FAAH2: variants seen among roughly 807,000 people sequenced by gnomAD.
FAAH2 encodes the protein fatty acid amide hydrolase 2, also known as fatty-acid amide hydrolase 2.
A neutral mutation model predicts 36.9 loss-of-function variants in FAAH2; 60 were observed. The observed-to-expected ratio is 1.63, with a 90% CI of 1.32 to 2.02. The LOEUF (loss-of-function observed/expected upper bound fraction) is 2.02. Among genes scored for constraint, FAAH2 ranks in the 30% most tolerant of loss-of-function variants. FAAH2 has a pLI of 0.00. For synonymous variants in FAAH2, 214 were observed against 143.8 expected, an observed-to-expected ratio of 1.49 and a Z score of -3.49; for missense variants, 689 against 397.5, an observed-to-expected ratio of 1.73 and a Z score of -6.23.
chrX:57,149,735 G>A, the FAAH2 span, among the ~76,000 whole-genome samples: 1 of 110,857 alleles, frequency 9.0e-6, no homozygotes, highest in Non-Finnish European at 1.9e-5. Flanking sequence ...TTTTTTGAAG[G>A]GATTTTTTTT....
chrX:57,276,748 C>T, the FAAH2 span, among the ~76,000 whole-genome samples: 4 of 111,268 alleles, frequency 3.6e-5, no homozygotes, highest in Non-Finnish European at 7.5e-5. Context: ...GGGATATCAC[C>T]ACCAATCCCA....
At chrX:57,235,213 G>C in the FAAH2 span, among the ~76,000 whole-genome samples, 1 of 111,330 alleles carries the variant, frequency 9.0e-6, no homozygotes, top group Non-Finnish European at 1.9e-5. Context: ...GCATCTGGTG[G>C]TCAGTGAGCT....
chrX:57,468,359 G>T (rs764658931), intron 10 of FAAH2, among the ~76,000 whole-genome samples: 1 of 111,535 alleles, frequency 9.0e-6, no homozygotes, highest in Non-Finnish European at 1.9e-5. Context: ...AAAAAGATTA[G>T]ATGAATGGCT....
chrX:57,166,728 GC>G, the FAAH2 span, among the ~76,000 whole-genome samples: 14 of 111,847 alleles, frequency 1.3e-4, no homozygotes, highest in East Asian at 3.9e-3. Context: ...GGGAGAGGTC[GC>G]CCCAACCATC....
At chrX:57,291,973 G>A (rs1399657766) in intron 1 of FAAH2, among the ~76,000 whole-genome samples, 2 of 110,358 alleles carry the variant, frequency 1.8e-5, no homozygotes, top group East Asian at 2.8e-4. Flanking sequence ...TGCAATTATT[G>A]GGACATACTT....
the FAAH2 span, among the ~76,000 whole-genome samples, chrX:57,175,873 T>C: frequency 1.8e-5 from 2 of 112,189 alleles, no homozygotes; most frequent in Non-Finnish European, 3.8e-5. Context: ...ACACTTATTC[T>C]GTTTAAGAAG....
chrX:57,354,217 A>G, intron 5 of FAAH2, among the ~76,000 whole-genome samples: 2 of 111,368 alleles, frequency 1.8e-5, no homozygotes, highest in East Asian at 5.6e-4. Context: ...TTGGATAAAT[A>G]AATTGTGGTA....
At chrX:57,163,365 T>C in the FAAH2 span, among the ~76,000 whole-genome samples, 1 of 112,128 alleles carries the variant, frequency 8.9e-6, no homozygotes, top group Non-Finnish European at 1.9e-5. Context: ...CAGGCAGGCC[T>C]CCTTGAGCTG....
At chrX:57,195,560 G>T in the FAAH2 span, among the ~76,000 whole-genome samples, 1 of 111,776 alleles carries the variant, frequency 8.9e-6, no homozygotes, top group Non-Finnish European at 1.9e-5. Context: ...TGGGTTGTCT[G>T]TTTACTCTGC....
chrX:57,233,446 G>A, the FAAH2 span, among the ~76,000 whole-genome samples: 5 of 111,004 alleles, frequency 4.5e-5, no homozygotes, highest in East Asian at 1.4e-3. Flanking sequence ...TTTTTTAACA[G>A]GGTGACAAAT....
intron 2 of FAAH2, among the ~76,000 whole-genome samples, chrX:57,294,681 T>A (rs751591845): frequency 1.8e-5 from 2 of 112,070 alleles, no homozygotes; most frequent in Non-Finnish European, 3.8e-5. Flanking sequence ...GCACATGTTA[T>A]TACTTTTGCC....
intron 7 of FAAH2, among the ~76,000 whole-genome samples, chrX:57,404,234 T>C (rs747034244): frequency 1.1e-3 from 119 of 112,241 alleles, no homozygotes; most frequent in African/African-American, 2.3e-3. Context: ...AGTTATCAAT[T>C]ATAGGTTTTA....
At chrX:57,402,579 T>G (rs2055464791) in intron 7 of FAAH2, among the ~76,000 whole-genome samples, 1 of 112,153 alleles carries the variant, frequency 8.9e-6, no homozygotes. Context: ...AGTGATAAAC[T>G]TATCCTTTAA....
intron 1 of FAAH2, among the ~76,000 whole-genome samples, chrX:57,290,526 T>G (rs2051946710): frequency 1.8e-5 from 2 of 111,788 alleles, no homozygotes; most frequent in African/African-American, 6.5e-5. Context: ...TATCTATGGT[T>G]GTACCTTATT....
intron 10 of FAAH2, among the ~76,000 whole-genome samples, chrX:57,466,128 A>ATCTCTCTCTCTC (rs66516710): frequency 2.8e-5 from 2 of 70,822 alleles, no homozygotes; most frequent in African/African-American, 1.0e-4. Context: ...TTGTTGGATT[A>ATCTCTCTCTCTC]TCTCTCTCTC....
the FAAH2 span, among the ~76,000 whole-genome samples, chrX:57,161,044 A>T: frequency 4.5e-5 from 5 of 111,681 alleles, no homozygotes; most frequent in African/African-American, 1.3e-4. Flanking sequence ...TGTCCCAGAG[A>T]TTCTGGTATG....
chrX:57,355,581 C>T (rs1490102448), intron 5 of FAAH2, among the ~76,000 whole-genome samples: 1 of 110,544 alleles, frequency 9.0e-6, no homozygotes, highest in Non-Finnish European at 1.9e-5. Context: ...TTCTTAATTT[C>T]ATTTTCAGAT....
At chrX:57,163,082 C>T in the FAAH2 span, among the ~76,000 whole-genome samples, 2 of 111,863 alleles carry the variant, frequency 1.8e-5, no homozygotes, top group Non-Finnish European at 3.8e-5. Context: ...TTCTAACAGA[C>T]AGGACCCTCA....
chrX:57,400,123 G>T (rs1464948793), intron 7 of FAAH2, among the ~76,000 whole-genome samples: 2 of 112,204 alleles, frequency 1.8e-5, no homozygotes, highest in African/African-American at 6.5e-5. Flanking sequence ...AGTTGCACAG[G>T]TGTGCAGTTG....
Sources: gnomAD v4.1 joint callset for allele counts (sites outside exome capture counted in the v4.1 genomes callset) on GRCh38, gnomAD v4.1.1 for gene constraint, MANE v1.5 for transcripts, NCBI Gene and HGNC (gene_info 2026-07-23, HGNC 2026-07-21) for gene names.